Variants in SLC13A2 observed in about 807,000 individuals in gnomAD.
SLC13A2 encodes Na(+)-coupled citrate transporter.
SLC13A2 carries 40 observed loss-of-function variants against 58.5 expected under a neutral mutation model. That is an observed-to-expected ratio of 0.68 (90% CI 0.53 to 0.89). The LOEUF (loss-of-function observed/expected upper bound fraction) is 0.89. Ranked by LOEUF, SLC13A2 falls within the 40% of genes least tolerant of loss-of-function variation. The pLI, the probability that SLC13A2 is intolerant of heterozygous loss-of-function variation, is 0.00. For synonymous variants in SLC13A2, 341 were observed against 331.6 expected, an observed-to-expected ratio of 1.03 and a Z score of -0.31; for missense variants, 694 against 772.6, an observed-to-expected ratio of 0.90 and a Z score of 1.21.
chr17:28,480,586 C>T (rs72846168), intron 1 of SLC13A2, among the ~76,000 whole-genome samples: 4,883 of 152,248 alleles, frequency 0.032, 108 homozygotes, highest in Middle Eastern at 0.051. Context: ...GCCGTGTGAC[C>T]TGACCGAGCC....
At chr17:28,487,537 C>T in intron 1 of SLC13A2, 1 of 985,430 alleles carries the variant, frequency 1.0e-6, no homozygotes, top group Non-Finnish European at 1.2e-6. Context: ...GAAACTTCTT[C>T]CTGAATCAGC....
At chr17:28,490,403 G>T (rs782090212) in intron 2 of SLC13A2, 51 bp from the exon 3 acceptor site, 1 of 1,614,050 alleles carries the variant, frequency 6.2e-7, no homozygotes, top group South Asian at 1.1e-5. Flanking sequence ...CGGGGGCACC[G>T]TGGGAGACTC....
chr17:28,473,648 C>A lies in SLC13A2; in HGVS notation c.-65C>A. Reference sequence around the variant, plus strand: ...CTGCCACCTGCCTGCTTGGCTGCATCTTTGGTCCTTCTGTTACCCAGCTCC... The same window carrying A: ...CTGCCACCTGCCTGCTTGGCTGCATATTTGGTCCTTCTGTTACCCAGCTCC... On this transcript the variant is annotated 5_prime_UTR_variant, in exon 1 of 12. Transcript: ENST00000314669. 2 of 1,243,124 alleles carry A rather than the reference C, an allele frequency of 1.6e-6. No individual in the cohort carries two copies. The highest frequency in any genetic ancestry group is 2.4e-5 in the East Asian group (1 of 42,162). 77.0% of individuals were successfully genotyped at this position (1,243,124 alleles called of 1,614,324 possible).
At chr17:28,485,706 G>A (rs782497464) in intron 1 of SLC13A2, among the ~76,000 whole-genome samples, 2 of 152,072 alleles carry the variant, frequency 1.3e-5, no homozygotes, top group Non-Finnish European at 2.9e-5. Context: ...AAATGCACAG[G>A]CCAGGCACAG....
At chr17:28,491,885 T>C in intron 6 of SLC13A2, 33 bp downstream of exon 6, 1 of 1,607,426 alleles carries the variant, frequency 6.2e-7, no homozygotes, top group Non-Finnish European at 8.5e-7. Flanking sequence ...GAAGCCCAGG[T>C]CCCTGCCCTT....
intron 1 of SLC13A2, among the ~76,000 whole-genome samples, chr17:28,485,988 G>A (rs2068873624): frequency 6.6e-6 from 1 of 151,942 alleles, no homozygotes; most frequent in Admixed American, 6.6e-5. Flanking sequence ...GCAAAACCCT[G>A]TCTTTAAAAA....
Position 28,493,693 on chromosome 17 carries a change from T to A in SLC13A2, c.1001T>A (p.Ile334Asn). Residue 334 changes from isoleucine (I) to asparagine (N), a missense_variant, in exon 7 of 12, where the codon ATC (isoleucine) becomes AAC (asparagine). Coordinates refer to ENST00000314669, the MANE Select transcript of SLC13A2 (RefSeq NM_003984.4). ...ACCTTTGCAGAAAAGGCCATCAGCA[T>A]CCTATTCGTCATCCTGGTGCTGCTC... Reference protein sequence around the residue: ...PMTFAEKAISILFVILVLLWF... With the variant: ...PMTFAEKAISNLFVILVLLWF... 6.2e-7 allele frequency: 1 copy of A among 1,614,244 alleles called. No homozygotes were observed. Among genetic ancestry groups the A allele is most frequent in the Non-Finnish European group, 8.5e-7 (1 of 1,180,054 alleles).
rs782322155 is a variant in SLC13A2, at chr17:28,490,818, G to A, written c.486G>A (p.Ser162=). The change falls in exon 4 of 12, where the codon TCG becomes TCA. Residue 162 remains serine, a synonymous_variant. Transcript: ENST00000314669. The part of the protein sequence containing the change: ...AHAVLDQLHS[S]QASSNVEEGS... ...CCGTCCTGGACCAGCTGCACAGCTC[G>A]CAAGCCAGCAGCAACGTCGAGGAGG... The A allele has an allele frequency of 1.8e-5, 29 of 1,613,806 alleles. No individual in the cohort carries two copies. The highest frequency in any genetic ancestry group is 6.6e-5 in the South Asian group (6 of 91,052).
At position 28,490,850 on chromosome 17, in the gene SLC13A2, A is replaced by G. The variant is rs1555603230; in HGVS notation, c.518A>G (p.Asn173Ser). 1 of 1,614,094 alleles carries G rather than the reference A, an allele frequency of 6.2e-7. No individual in the cohort carries two copies. Among genetic ancestry groups the G allele is most frequent in the East Asian group, 2.2e-5 (1 of 44,882 alleles). The change falls in exon 4 of 12, where the codon AAC becomes AGC. Residue 173 changes from asparagine to serine, a missense_variant. Coordinates refer to ENST00000314669, the MANE Select transcript of SLC13A2 (RefSeq NM_003984.4). Reference protein sequence around the residue: ...QASSNVEEGSNNPTFELQEPS... With the variant: ...QASSNVEEGSSNPTFELQEPS... Reference sequence around the variant, plus strand: ...AGCAGCAACGTCGAGGAGGGCAGCAACAACCCCACCTTCGAGCTCCAGGAA... The same window carrying G: ...AGCAGCAACGTCGAGGAGGGCAGCAGCAACCCCACCTTCGAGCTCCAGGAA...
At chr17:28,488,896 C>T (rs2068943669) in intron 1 of SLC13A2, among the ~76,000 whole-genome samples, 1 of 152,224 alleles carries the variant, frequency 6.6e-6, no homozygotes, top group African/African-American at 2.4e-5. Context: ...GCCCCCATCT[C>T]ATCTTGGGAT....
In SLC13A2 at chr17:28,496,983, A is replaced by T; in HGVS notation, c.1609-116A>T. 9.4e-7 allele frequency: 1 copy of T among 1,063,522 alleles called. No individual in the cohort carries two copies. The highest frequency in any genetic ancestry group is 1.4e-6 in the Non-Finnish European group (1 of 712,770). 65.9% of individuals were successfully genotyped at this position (1,063,522 alleles called of 1,614,324 possible). A position where few individuals can be genotyped will look rare whatever the true frequency, so the allele number is the denominator to read the frequency against. On this transcript the variant is annotated intron_variant, in intron 11 of 11. Coordinates refer to ENST00000314669, the MANE Select transcript of SLC13A2 (RefSeq NM_003984.4). The surrounding 1 kb of genome is among the most constrained non-coding windows in gnomAD (Gnocchi z 4.2). ...TGCTGCAGGTTAGACCAACGGGAGG[A>T]CTTCCCAGAGAGAATTTTGCTGGTA...
Position 28,491,441 on chromosome 17 carries a change from TG to T in SLC13A2, c.582del (p.Gln195ArgfsTer27), listed in dbSNP as rs2069017329. 6.2e-7 allele frequency: 1 copy of T among 1,613,310 alleles called. No individual in the cohort carries two copies. The highest frequency in any genetic ancestry group is 8.5e-7 in the Non-Finnish European group (1 of 1,179,950). ...PQKEVTKLDN[G>X]QALPVTSASS... ...TGGGCTCTCCCTTGTTCCCAGATAA[TG>T]GGCAGGCCCTCCCTGTCACGTCTGC... On this transcript the variant is annotated frameshift_variant, in exon 5 of 12. Coordinates refer to ENST00000314669, the MANE Select transcript of SLC13A2 (RefSeq NM_003984.4). LOFTEE classifies it high-confidence loss of function.
Position 28,478,413 on chromosome 17 carries a change from G to A in SLC13A2, c.102+4599G>A, listed in dbSNP as rs1251607378. Among the ~76,000 whole-genome samples the A allele has an allele frequency of 4.6e-5, 7 of 152,374 alleles. No homozygotes were observed. In the South Asian group the frequency reaches 8.3e-4, roughly 18 times the overall value. ...TCAAGTTGCTTATAGTCTATAGGAG[G>A]AGACAGGTGTTTACACCACACAAAG... On this transcript the variant is annotated intron_variant, in intron 1 of 11. Coordinates refer to ENST00000314669, the MANE Select transcript of SLC13A2 (RefSeq NM_003984.4).
At chr17:28,474,549 C>G (rs1357929880) in intron 1 of SLC13A2, among the ~76,000 whole-genome samples, 2 of 152,128 alleles carry the variant, frequency 1.3e-5, no homozygotes, top group Non-Finnish European at 2.9e-5. Context: ...GCCTGACTGT[C>G]CCATTTGACA....
At chr17:28,484,180 C>T (rs1555601616) in intron 1 of SLC13A2, among the ~76,000 whole-genome samples, 1 of 152,236 alleles carries the variant, frequency 6.6e-6, no homozygotes, top group Non-Finnish European at 1.5e-5. Flanking sequence ...GATTGATACT[C>T]ATCTTTTAGT....
chr17:28,479,957 C>A (rs527867781), intron 1 of SLC13A2, among the ~76,000 whole-genome samples: 11 of 152,252 alleles, frequency 7.2e-5, no homozygotes, highest in African/African-American at 2.4e-4. Context: ...GAGTTCGAGA[C>A]CAGCCTGGCC....
chr17:28,482,186 A>T (rs1273034551), intron 1 of SLC13A2, among the ~76,000 whole-genome samples: 2 of 151,524 alleles, frequency 1.3e-5, no homozygotes, highest in Non-Finnish European at 2.9e-5. Context: ...TGCCCAGCTA[A>T]GTTTTTTTGT....
In SLC13A2 at chr17:28,494,752, C is replaced by T. The variant is rs2069107087; in HGVS notation, c.1308+240C>T. Among the ~76,000 whole-genome samples the T allele has an allele frequency of 6.6e-6, 1 of 152,168 alleles. No homozygotes were observed. Among genetic ancestry groups the T allele is most frequent in the South Asian group, 2.1e-4 (1 of 4,824 alleles). ...TCAAAGTCCAAGGGAAGGCAGGATT[C>T]TCTGGTGGGCAGAGCCTGTTCTCAG... is the stretch of plus-strand genomic sequence containing the variant. On this transcript the variant is annotated intron_variant, in intron 9 of 11. Transcript: ENST00000314669. This position sits in a 1 kb window ranked among gnomAD's most constrained non-coding sequence, Gnocchi z 4.0.
Position 28,497,086 on chromosome 17 carries a change from C to G in SLC13A2, c.1609-13C>G. 1 of 1,612,508 alleles carries G rather than the reference C, an allele frequency of 6.2e-7. No homozygotes were observed. Among genetic ancestry groups the G allele is most frequent in the Non-Finnish European group, 8.5e-7 (1 of 1,179,046 alleles). The stretch of plus-strand genomic sequence containing the variant: ...CAGTCCCTGCTTAGCCAAATGGACT[C>G]TCCTCACACCAGGCCCGGGCAGGAT... On this transcript the variant is annotated splice_polypyrimidine_tract_variant and intron_variant, in intron 11 of 11. Transcript: ENST00000314669.
Sources: allele counts gnomAD v4.1 joint callset (sites outside exome capture counted in the v4.1 genomes callset), GRCh38; gene constraint gnomAD v4.1.1; non-coding constraint Gnocchi (gnomAD v3.1); transcripts MANE v1.5; gene names NCBI Gene and HGNC (gene_info 2026-07-23, HGNC 2026-07-21).